Variants in ADAM22 observed in about 807,000 individuals in gnomAD.
ADAM22 encodes the protein ADAM metallopeptidase domain 22.
Under a neutral mutation model 144.6 loss-of-function variants are expected in ADAM22, and 65 were observed. The observed-to-expected ratio is 0.45, with a 90% CI of 0.37 to 0.55. ADAM22 has a LOEUF of 0.55. ADAM22 is among the 20% of genes least tolerant of loss of function. The pLI is 0.00. For missense variants in ADAM22, 974 were observed against 1,184.9 expected (o/e 0.82, Z 2.61); for synonymous variants, 391 against 412.6 (o/e 0.95, Z 0.63).
chr7:87,958,541 A>G (rs1329456674), intron 2 of ADAM22, among the ~76,000 whole-genome samples: 1 of 151,874 alleles, frequency 6.6e-6, no homozygotes, highest in Admixed American at 6.6e-5. Context: ...ACGCACCATC[A>G]TGCCCAGCTA....
At chr7:88,060,656 A>G (rs1290932194) in intron 3 of ADAM22, among the ~76,000 whole-genome samples, 1 of 151,200 alleles carries the variant, frequency 6.6e-6, no homozygotes, top group Non-Finnish European at 1.5e-5. Context: ...GTCTCAGGCT[A>G]CTCAGGAGGC....
intron 7 of ADAM22, among the ~76,000 whole-genome samples, chr7:88,121,608 A>T (rs562825861): frequency 2.0e-5 from 3 of 152,124 alleles, no homozygotes; most frequent in African/African-American, 7.2e-5. Flanking sequence ...GCTCACTCAC[A>T]TAATTGTTGT....
chr7:88,087,492 A>C (rs1818738391), intron 4 of ADAM22, among the ~76,000 whole-genome samples: 1 of 152,216 alleles, frequency 6.6e-6, no homozygotes, highest in Admixed American at 6.5e-5. Flanking sequence ...TATGAATTTT[A>C]GAAAACTAAG....
intron 29 of ADAM22, 74 bp from the exon 30 acceptor site, chr7:88,186,541 C>A: frequency 1.0e-6 from 1 of 985,992 alleles, no homozygotes; most frequent in Non-Finnish European, 1.6e-6. Flanking sequence ...GACATCCTTG[C>A]TAAGCTTGTG....
rs1836108918 is a variant in ADAM22, at chr7:88,145,481, G to A, written c.1459G>A (p.Asp487Asn). 2 of 1,613,514 alleles carry A rather than the reference G, an allele frequency of 1.2e-6. No individual in the cohort carries two copies. Among genetic ancestry groups the A allele is most frequent in the African/African-American group, 1.3e-5 (1 of 74,880 alleles). Residue 487 changes from aspartate to asparagine, a missense_variant, in exon 17 of 32, where the codon GAC (aspartate) becomes AAC (asparagine). Physicochemically the swap from Asp to Asn is conservative, Grantham distance 23. Around this residue, in one of 2 missense-constraint regions of ADAM22, gnomAD observed 734 missense variants for 950.6 expected, o/e 0.77. Coordinates refer to ENST00000413139, the MANE Select transcript of ADAM22 (RefSeq NM_001324418.2). ...CTLTQDSQCS[D>N]GLCCKKCKFQ... is the part of the protein sequence containing the mutation. Reference sequence around the variant, plus strand: ...CTTGACTCAAGACTCTCAATGCAGTGACGGTCTTTGCTGTAAAAAGTGCAA... The same window carrying A: ...CTTGACTCAAGACTCTCAATGCAGTAACGGTCTTTGCTGTAAAAAGTGCAA...
intron 26 of ADAM22, among the ~76,000 whole-genome samples, chr7:88,173,580 C>T (rs1844890229): frequency 1.3e-5 from 2 of 151,944 alleles, no homozygotes; most frequent in South Asian, 4.2e-4. Context: ...CCAAAGCATG[C>T]ATTAAAAAAT....
Position 88,197,394 on chromosome 7 carries a change from T to G in ADAM22, c.*903T>G, listed in dbSNP as rs1439797497. The G allele has an allele frequency of 3.3e-5, 5 of 152,240 alleles. No homozygotes were observed. The highest frequency in any genetic ancestry group is 1.2e-4 in the African/African-American group (5 of 41,462). The allele number at this position is 152,240 out of a possible 1,614,324, so 9.4% of individuals were successfully genotyped here. A position where few individuals can be genotyped will look rare whatever the true frequency, so the allele number is the denominator to read the frequency against. On this transcript the variant is annotated 3_prime_UTR_variant, in exon 32 of 32. Coordinates refer to ENST00000413139, the MANE Select transcript of ADAM22 (RefSeq NM_001324418.2). ...AGAACAAAATGCCCAGCAAAACTTC[T>G]GGCCTCCACAGTTTGCTGATGCAGG...
intron 4 of ADAM22, among the ~76,000 whole-genome samples, chr7:88,105,958 C>T (rs1019542326): frequency 3.9e-5 from 6 of 152,178 alleles, no homozygotes; most frequent in African/African-American, 1.4e-4. Flanking sequence ...ATGTAATCCT[C>T]ATAACAGCCC....
Position 88,155,049 on chromosome 7 carries a change from T to A in ADAM22, c.1788-838T>A, listed in dbSNP as rs545587459. On this transcript the variant is annotated intron_variant, in intron 21 of 31. Coordinates refer to ENST00000413139, the MANE Select transcript of ADAM22 (RefSeq NM_001324418.2). ...AGATATTTTATAAGTTAAGTTAGAA[T>A]CATATGTAATAGTTGGGGAAGTACT... 8.2e-4 allele frequency among the ~76,000 whole-genome samples: 125 copies of A among 152,290 alleles called. 2 individuals carry two copies. In the South Asian group the frequency reaches 0.025, roughly 30 times the overall value.
rs549825135 is a variant in ADAM22 at position 88,140,327 on chromosome 7, C to T, written c.1221-2699C>T. 6.6e-5 allele frequency among the ~76,000 whole-genome samples: 10 copies of T among 152,142 alleles called. No homozygotes were observed. The South Asian group carries it at 1.9e-3, about 28-fold the overall frequency. ...TCTCAGCTGAGCACTTAGGTTCCTC[C>T]TGTGGTTGCACCATTGGTTCATCTG... On this transcript the variant is annotated intron_variant, in intron 14 of 31. Coordinates refer to ENST00000413139, the MANE Select transcript of ADAM22 (RefSeq NM_001324418.2).
intron 5 of ADAM22, among the ~76,000 whole-genome samples, chr7:88,112,962 T>TC (rs1330452383): frequency 6.6e-6 from 1 of 151,914 alleles, no homozygotes; most frequent in African/African-American, 2.4e-5. Context: ...TCATGTGATT[T>TC]CCCCCCGCCT....
At chr7:87,950,566 C>A (rs1370689993) in intron 2 of ADAM22, among the ~76,000 whole-genome samples, 1 of 150,150 alleles carries the variant, frequency 6.7e-6, no homozygotes, top group African/African-American at 2.5e-5. Context: ...GGTTCCAAGT[C>A]TTTGCTATTG....
At chr7:88,018,235 T>C (rs1327561824) in intron 3 of ADAM22, among the ~76,000 whole-genome samples, 2 of 152,312 alleles carry the variant, frequency 1.3e-5, no homozygotes, top group South Asian at 2.1e-4. Flanking sequence ...TTTTTTGTCC[T>C]TTGAAAATAA....
intron 30 of ADAM22, among the ~76,000 whole-genome samples, chr7:88,191,682 T>C (rs1176758636): frequency 1.3e-5 from 2 of 152,198 alleles, no homozygotes; most frequent in South Asian, 4.1e-4. Context: ...TTTAGAGAAT[T>C]TGAAGTACTA....
intron 2 of ADAM22, among the ~76,000 whole-genome samples, chr7:87,955,013 G>T (rs1169657979): frequency 6.6e-6 from 1 of 151,974 alleles, no homozygotes; most frequent in Admixed American, 6.6e-5. Flanking sequence ...TCTCTGTATT[G>T]GTTATTCTAG....
At chr7:88,020,163 G>A (rs370974817) in intron 3 of ADAM22, among the ~76,000 whole-genome samples, 13 of 152,168 alleles carry the variant, frequency 8.5e-5, no homozygotes, top group Middle Eastern at 3.4e-3. Context: ...GTGTTAATGC[G>A]CAGGCATTGA....
At chr7:88,113,726 A>G (rs1159475089) in intron 5 of ADAM22, among the ~76,000 whole-genome samples, 2 of 123,546 alleles carry the variant, frequency 1.6e-5, no homozygotes, top group Non-Finnish European at 3.4e-5. Flanking sequence ...ATATATATAT[A>G]TATATATATA....
At chr7:88,057,980 C>T (rs1038881842) in intron 3 of ADAM22, among the ~76,000 whole-genome samples, 4 of 152,186 alleles carry the variant, frequency 2.6e-5, no homozygotes, top group African/African-American at 7.2e-5. Context: ...GAAAAACAAA[C>T]ATTTAAAAAT....
chr7:88,083,587 T>TGTG (rs1817546231), intron 4 of ADAM22, among the ~76,000 whole-genome samples: 1 of 126,670 alleles, frequency 7.9e-6, no homozygotes, highest in African/African-American at 3.0e-5. Context: ...TACTTTGTGT[T>TGTG]TGTGTGTGTG....
Sources: gnomAD v4.1 joint callset for allele counts (sites outside exome capture counted in the v4.1 genomes callset) on GRCh38, gnomAD v4.1.1 for gene constraint, gnomAD v4.1.1 regional missense constraint, MANE v1.5 for transcripts, NCBI Gene and HGNC (gene_info 2026-07-23, HGNC 2026-07-21) for gene names.